EPS8L1: variants seen among roughly 807,000 people sequenced by gnomAD.
The protein encoded by EPS8L1 is EPS8 signaling adaptor L1.
A neutral mutation model predicts 91.7 loss-of-function variants in EPS8L1; 101 were observed. The ratio of observed to expected loss-of-function variants is 1.10; its 90% CI spans 0.94 to 1.30. The LOEUF (loss-of-function observed/expected upper bound fraction) is 1.30. Among genes scored for constraint, EPS8L1 ranks in the 50% most tolerant of loss-of-function variants. The probability of loss-of-function intolerance (pLI) is 0.00; values close to 1 mark genes in which losing one functional copy is unlikely to be tolerated. For synonymous variants in EPS8L1, 506 were observed against 445.3 expected (o/e 1.14, Z -1.72); for missense variants, 1,114 against 1,017.0 (o/e 1.10, Z -1.30).
In EPS8L1 at chr19:55,085,962, G is replaced by C. The variant is rs2076348022; in HGVS notation, c.1507G>C (p.Asp503His). The change falls in exon 15 of 20, where the codon GAC (aspartate) becomes CAC (histidine). Residue 503 changes from aspartate (D) to histidine (H), a missense_variant. By Grantham distance (81) the Asp-to-His change is moderately conservative. Coordinates refer to ENST00000201647, the MANE Select transcript of EPS8L1 (RefSeq NM_133180.3). Reference protein sequence around the residue: ...NSSELSVKQRDVLEVLDDSRK... With the variant: ...NSSELSVKQRHVLEVLDDSRK... ...CAGTGAGCTGTCGGTCAAGCAGCGGGACGTACTGGAGGTTAGAGGAGCGGG... is the reference window on the plus strand; with the variant it reads ...CAGTGAGCTGTCGGTCAAGCAGCGGCACGTACTGGAGGTTAGAGGAGCGGG... 1.9e-6 allele frequency: 3 copies of C among 1,613,470 alleles called. No homozygotes were observed. Among genetic ancestry groups the C allele is most frequent in the South Asian group, 2.2e-5 (2 of 91,068 alleles).
In EPS8L1 at chr19:55,083,243, C is replaced by G. The variant is rs2076308516; in HGVS notation, c.1215-135C>G. 1 of 1,222,540 alleles carries G rather than the reference C, an allele frequency of 8.2e-7. No homozygotes were observed. The allele number at this position is 1,222,540 out of a possible 1,614,324, so 75.7% of individuals were successfully genotyped here. ...GTTGGGCTTAGAGCTACCGGCAGGA[C>G]TTGGTGAAAAGTGGCGGGGCTAGAA... is the stretch of plus-strand genomic sequence containing the variant. On this transcript the variant is annotated intron_variant, in intron 12 of 19. Coordinates refer to ENST00000201647, the MANE Select transcript of EPS8L1 (RefSeq NM_133180.3). This position sits in a 1 kb window ranked among gnomAD's most constrained non-coding sequence, Gnocchi z 4.7.
intron 10 of EPS8L1, 43 bp from the exon 11 acceptor site, chr19:55,082,232 C>A (rs753258683): frequency 1.9e-6 from 3 of 1,599,660 alleles, no homozygotes; most frequent in Non-Finnish European, 2.6e-6. Context: ...GAACCTGTCC[C>A]GTCCCCGCAC....
At position 55,086,185 on chromosome 19, in the gene EPS8L1, G is replaced by A. The variant is rs757991305; in HGVS notation, c.1643G>A (p.Arg548His). The A allele has an allele frequency of 6.3e-7, 1 of 1,595,224 alleles. No individual in the cohort carries two copies. Among genetic ancestry groups the A allele is most frequent in the South Asian group, 1.1e-5 (1 of 87,594 alleles). Residue 548 changes from arginine to histidine, a missense_variant, in exon 16 of 20, where the codon CGC becomes CAC. By Grantham distance (29) the Arg-to-His change is conservative (BLOSUM62 0). Transcript: ENST00000201647. Reference protein sequence around the residue: ...PRLHHSQSPARSLNSTPPPPP... With the variant: ...PRLHHSQSPAHSLNSTPPPPP... Reference sequence around the variant, plus strand: ...CTGCACCACAGCCAAAGCCCTGCCCGCAGCCTGGTGAGCCAGCGCAGACGC... The same window carrying A: ...CTGCACCACAGCCAAAGCCCTGCCCACAGCCTGGTGAGCCAGCGCAGACGC...
At chr19:55,086,614 C>A (rs2147165287) in intron 17 of EPS8L1, 96 bp downstream of exon 17, 19 of 1,531,846 alleles carry the variant, frequency 1.2e-5, no homozygotes, top group African/African-American at 1.1e-4. Flanking sequence ...GACTCCCGTC[C>A]CATTCTGGGG....
At position 55,081,506 on chromosome 19, in the gene EPS8L1, G is replaced by A. The variant is rs775419231; in HGVS notation, c.774+14G>A. On this transcript the variant is annotated intron_variant, in intron 8 of 19. Coordinates refer to ENST00000201647, the MANE Select transcript of EPS8L1 (RefSeq NM_133180.3). The surrounding 1 kb of genome is among the most constrained non-coding windows in gnomAD (Gnocchi z 4.9). ...GAGCGGGAAGTGGTGAGCCGCTAAG[G>A]AAGGGGTCTGGGGGCAGGGCCAGGC... 4 of 1,565,524 alleles carry A rather than the reference G, an allele frequency of 2.6e-6. No individual in the cohort carries two copies. The highest frequency in any genetic ancestry group is 4.5e-5 in the East Asian group (2 of 43,990).
chr19:55,087,580 A>AG lies in EPS8L1; in HGVS notation c.2140dup (p.Val714GlyfsTer60). 1.9e-6 allele frequency: 3 copies of AG among 1,614,180 alleles called. No individual in the cohort carries two copies. Among genetic ancestry groups the AG allele is most frequent in the Non-Finnish European group, 2.5e-6 (3 of 1,180,022 alleles). ...GCAGTGATGGAGAAGCAAAAGAAGA[A>AG]GGTGGAAGGCGAGGTGGAAATGGAG... On this transcript the variant is annotated frameshift_variant, in exon 20 of 20. Coordinates refer to ENST00000201647, the MANE Select transcript of EPS8L1 (RefSeq NM_133180.3). LOFTEE classifies it high-confidence loss of function.
intron 16 of EPS8L1, 77 bp from the exon 17 acceptor site, chr19:55,086,315 T>C: frequency 6.2e-7 from 1 of 1,608,734 alleles, no homozygotes; most frequent in Non-Finnish European, 8.5e-7. Flanking sequence ...GGTTCAGAAA[T>C]GCATCTCCAG....
chr19:55,079,842 G>C lies in EPS8L1; in HGVS notation c.270G>C (p.Pro90=), dbSNP rs141622953. 3.4e-4 allele frequency: 553 copies of C among 1,611,926 alleles called. 1 individual carries two copies. Among genetic ancestry groups the C allele is most frequent in the Non-Finnish European group, 3.6e-4 (422 of 1,179,136 alleles). ...VSPDHVTLLD[P]ASKEELESYP... is the part of the protein sequence containing the mutation. ...CCGACCATGTCACGCTGCTCGACCC[G>C]GCCTCCAAGGTGCCGGGGGGCACGT... The change falls in exon 5 of 20, where the codon CCG becomes CCC. Residue 90 remains proline (P), a synonymous_variant. Coordinates refer to ENST00000201647, the MANE Select transcript of EPS8L1 (RefSeq NM_133180.3).
In EPS8L1 at chr19:55,087,289, C is replaced by A. The variant is rs774710115; in HGVS notation, c.1953-14C>A. On this transcript the variant is annotated splice_polypyrimidine_tract_variant and intron_variant, in intron 18 of 19. Coordinates refer to ENST00000201647, the MANE Select transcript of EPS8L1 (RefSeq NM_133180.3). Reference sequence around the variant, plus strand: ...GCCGACCGGCCTGACCGCGCCCGGGCTGCCCTCGCTCAGGACCGTGGACGC... The same window carrying A: ...GCCGACCGGCCTGACCGCGCCCGGGATGCCCTCGCTCAGGACCGTGGACGC... The A allele has an allele frequency of 1.3e-6, 2 of 1,591,776 alleles. No individual in the cohort carries two copies. The highest frequency in any genetic ancestry group is 2.3e-5 in the East Asian group (1 of 43,642).
In EPS8L1 at chr19:55,081,165, C is replaced by G; in HGVS notation, c.513-66C>G. On this transcript the variant is annotated intron_variant, in intron 7 of 19. Transcript: ENST00000201647. This position sits in a 1 kb window ranked among gnomAD's most constrained non-coding sequence, Gnocchi z 4.9. ...TGAGCCTGTGTGTCTCGTTCTGCGC[C>G]CTGGATTTCCCCCTCCCTGGACCCC... 6.9e-7 allele frequency: 1 copy of G among 1,446,358 alleles called. No homozygotes were observed. Among genetic ancestry groups the G allele is most frequent in the Non-Finnish European group, 9.0e-7 (1 of 1,105,776 alleles). 89.6% of individuals were successfully genotyped at this position (1,446,358 alleles called of 1,614,324 possible).
At chr19:55,079,590 G>C in intron 4 of EPS8L1, 100 bp from the exon 5 acceptor site, 1 of 1,392,684 alleles carries the variant, frequency 7.2e-7, no homozygotes. Context: ...CCTGGAGGAG[G>C]TGTGGTTAGT....
At chr19:55,078,919 C>G in intron 3 of EPS8L1, 80 bp from the exon 4 acceptor site, 1 of 1,445,424 alleles carries the variant, frequency 6.9e-7, no homozygotes, top group Admixed American at 1.7e-5. Context: ...GGAGGAGGGG[C>G]TGGGGGCCTG....
Position 55,086,869 on chromosome 19 carries a change from G to A in EPS8L1, c.1933G>A (p.Ala645Thr), listed in dbSNP as rs748412444. The A allele has an allele frequency of 1.0e-4, 147 of 1,461,856 alleles. No individual in the cohort carries two copies. The Middle Eastern group carries it at 2.2e-3, about 21-fold the overall frequency. 90.6% of individuals were successfully genotyped at this position (1,461,856 alleles called of 1,614,324 possible). A position where few individuals can be genotyped will look rare whatever the true frequency, so the allele number is the denominator to read the frequency against. ...CTCCGAGGTCCGCGCCTGGCTGCAGGCCAAGGGCTTTAGCTCCGGGTGAGT... is the reference window on the plus strand; with the variant it reads ...CTCCGAGGTCCGCGCCTGGCTGCAGACCAAGGGCTTTAGCTCCGGGTGAGT... The part of the protein sequence containing the change: ...DASEVRAWLQ[A>T]KGFSSGTVDA... Residue 645 changes from alanine (A) to threonine (T), a missense_variant, in exon 18 of 20, where the codon GCC (alanine) becomes ACC (threonine). Coordinates refer to ENST00000201647, the MANE Select transcript of EPS8L1 (RefSeq NM_133180.3).
chr19:55,080,684 G>C (rs2076236689), intron 6 of EPS8L1, 88 bp from the exon 7 acceptor site: 3 of 1,570,624 alleles, frequency 1.9e-6, no homozygotes, highest in South Asian at 2.3e-5. Flanking sequence ...CGTGGGCTGG[G>C]ACTGAGCTGA....
intron 18 of EPS8L1, 132 bp from the exon 19 acceptor site, chr19:55,087,171 A>C: frequency 3.7e-6 from 5 of 1,345,042 alleles, no homozygotes; most frequent in Non-Finnish European, 4.9e-6. Context: ...GGGGTTCAGG[A>C]GGTGTCGGGC....
In EPS8L1 at chr19:55,081,125, T is replaced by A. The variant is rs1370742187; in HGVS notation, c.513-106T>A. 7.4e-7 allele frequency: 1 copy of A among 1,347,918 alleles called. No homozygotes were observed. The highest frequency in any genetic ancestry group is 3.0e-5 in the Admixed American group (1 of 33,374). The allele number at this position is 1,347,918 out of a possible 1,614,324, so 83.5% of individuals were successfully genotyped here. On this transcript the variant is annotated intron_variant, in intron 7 of 19. Transcript: ENST00000201647. This position sits in a 1 kb window ranked among gnomAD's most constrained non-coding sequence, Gnocchi z 4.9. ...TCCCTACCTCGTTGAACTTGTTCAC[T>A]CCCTTTGAGCCTTTTGAGCCTGTGT...
intron 14 of EPS8L1, among the ~76,000 whole-genome samples, chr19:55,085,217 G>A (rs904905542): frequency 2.3e-4 from 35 of 152,234 alleles, no homozygotes; most frequent in African/African-American, 8.4e-4. Context: ...TCAGGCTGGA[G>A]TGCAGTGGTG....
rs766327026 is a variant in EPS8L1 at position 55,086,723 on chromosome 19, C to T, written c.1787C>T (p.Ser596Phe). Residue 596 changes from serine to phenylalanine, a missense_variant, in exon 18 of 20, where the codon TCC becomes TTC. Transcript: ENST00000201647. ...GGTTTCCCGCCTGCAGAGAAATTCTCCCAGATGCTCATCGTCAACGAGGAA... is the reference window on the plus strand; with the variant it reads ...GGTTTCCCGCCTGCAGAGAAATTCTTCCAGATGCTCATCGTCAACGAGGAA... ...GLDPSEKEKFSQMLIVNEELQ... is the reference protein window; with the variant it reads ...GLDPSEKEKFFQMLIVNEELQ... 3.2e-6 allele frequency: 5 copies of T among 1,561,074 alleles called. No homozygotes were observed. The African/African-American group carries it at 6.8e-5, about 21-fold the overall frequency.
chr19:55,087,450 T>A lies in EPS8L1; in HGVS notation c.2085+15T>A. The A allele has an allele frequency of 6.2e-7, 1 of 1,614,138 alleles. No individual in the cohort carries two copies. Among genetic ancestry groups the A allele is most frequent in the Non-Finnish European group, 8.5e-7 (1 of 1,180,000 alleles). On this transcript the variant is annotated intron_variant, in intron 19 of 19. Coordinates refer to ENST00000201647, the MANE Select transcript of EPS8L1 (RefSeq NM_133180.3). ...CGCTGCTGGAGGTGAGCCGGACCGC[T>A]GGTCCCTGGGTCTGGGTAGGGTTGG... is the stretch of plus-strand genomic sequence containing the variant.
Sources: gnomAD v4.1 joint callset for allele counts (sites outside exome capture counted in the v4.1 genomes callset) on GRCh38, gnomAD v4.1.1 for gene constraint, Gnocchi (gnomAD v3.1) non-coding constraint, MANE v1.5 for transcripts, NCBI Gene and HGNC (gene_info 2026-07-23, HGNC 2026-07-21) for gene names.